Variants in FHIT observed in about 807,000 individuals in gnomAD.
The protein encoded by FHIT is fragile histidine triad diadenosine triphosphatase.
A neutral mutation model predicts 17.9 loss-of-function variants in FHIT; 19 were observed. The ratio of observed to expected loss-of-function variants is 1.06; its 90% CI spans 0.74 to 1.56. The LOEUF is 1.56. Ranked by LOEUF, FHIT falls within the 40% of genes most tolerant of loss-of-function variation. The probability of loss-of-function intolerance (pLI) is 0.00; values close to 1 mark genes in which losing one functional copy is unlikely to be tolerated. For missense variants in FHIT, 248 were observed against 189.2 expected (o/e 1.31, Z -1.82); for synonymous variants, 81 against 69.7 (o/e 1.16, Z -0.81).
At chr3:59,981,429 T>C (rs1184639086) in intron 7 of FHIT, among the ~76,000 whole-genome samples, 2 of 152,160 alleles carry the variant, frequency 1.3e-5, no homozygotes, top group Non-Finnish European at 2.9e-5. Context: ...ACAAATTCAA[T>C]ATCCAAATTC....
chr3:60,396,825 A>T (rs1701460131), intron 5 of FHIT, among the ~76,000 whole-genome samples: 2 of 152,186 alleles, frequency 1.3e-5, no homozygotes, highest in East Asian at 3.9e-4. Context: ...TTTCAAAATG[A>T]AAAAATAGAA....
At chr3:61,196,095 A>T (rs2038845791) in intron 2 of FHIT, among the ~76,000 whole-genome samples, 1 of 152,156 alleles carries the variant, frequency 6.6e-6, no homozygotes, top group Admixed American at 6.5e-5. Flanking sequence ...AAGAGTGGAA[A>T]GGATCAGAGA....
At chr3:59,898,466 G>T (rs1325656021) in intron 8 of FHIT, among the ~76,000 whole-genome samples, 1 of 139,614 alleles carries the variant, frequency 7.2e-6, no homozygotes, top group Non-Finnish European at 1.6e-5. Context: ...GTGTGTGTGT[G>T]TGTGTGTGTA....
chr3:60,715,222 G>A (rs1442103680), intron 4 of FHIT, among the ~76,000 whole-genome samples: 1 of 152,038 alleles, frequency 6.6e-6, no homozygotes, highest in African/African-American at 2.4e-5. Flanking sequence ...TGGGAAAACT[G>A]GCTAGCCATA....
intron 5 of FHIT, among the ~76,000 whole-genome samples, chr3:60,400,702 G>A (rs922280662): frequency 6.6e-6 from 1 of 152,026 alleles, no homozygotes; most frequent in Non-Finnish European, 1.5e-5. Flanking sequence ...GTCTCCCCAT[G>A]GTAAGCAGGA....
At chr3:59,772,085 C>A (rs1702098654) in intron 8 of FHIT, among the ~76,000 whole-genome samples, 1 of 152,242 alleles carries the variant, frequency 6.6e-6, no homozygotes, top group Admixed American at 6.5e-5. Flanking sequence ...TCCACAGTCA[C>A]TGGCTTGTAT....
At chr3:61,027,569 G>C (rs890661881) in intron 3 of FHIT, among the ~76,000 whole-genome samples, 1 of 152,150 alleles carries the variant, frequency 6.6e-6, no homozygotes, top group African/African-American at 2.4e-5. Flanking sequence ...ATATCATTTC[G>C]TTGACTTGAG....
chr3:60,356,185 C>T (rs1699644863), intron 5 of FHIT, among the ~76,000 whole-genome samples: 1 of 152,188 alleles, frequency 6.6e-6, no homozygotes, highest in Non-Finnish European at 1.5e-5. Context: ...TTTACCAAGT[C>T]TTGGGATTTG....
chr3:60,524,153 GA>G (rs2035481997), intron 5 of FHIT, among the ~76,000 whole-genome samples: 4 of 151,318 alleles, frequency 2.6e-5, no homozygotes, highest in Admixed American at 2.6e-4. Context: ...ATAAACCTGA[GA>G]ATCATCCCTG....
chr3:60,870,925 T>A (rs1390857565), intron 3 of FHIT, among the ~76,000 whole-genome samples: 1 of 152,180 alleles, frequency 6.6e-6, no homozygotes, highest in Non-Finnish European at 1.5e-5. Flanking sequence ...ATTCTCCTGG[T>A]GATGCCCCAG....
At chr3:60,344,325 C>T (rs528558059) in intron 5 of FHIT, among the ~76,000 whole-genome samples, 52 of 152,222 alleles carry the variant, frequency 3.4e-4, no homozygotes, top group Non-Finnish European at 6.2e-4. Context: ...GACTGAGATG[C>T]GTCCAACAAA....
chr3:60,704,638 T>C (rs1205659978), intron 4 of FHIT, among the ~76,000 whole-genome samples: 2 of 152,172 alleles, frequency 1.3e-5, no homozygotes, highest in Admixed American at 1.3e-4. Context: ...ATGAACCTTT[T>C]TTTGCAATTA....
intron 5 of FHIT, among the ~76,000 whole-genome samples, chr3:60,206,365 G>C (rs1703190500): frequency 1.3e-5 from 2 of 152,094 alleles, no homozygotes; most frequent in Admixed American, 6.5e-5. Flanking sequence ...CTGAGCTTCA[G>C]ATGTAAAGGA....
intron 3 of FHIT, among the ~76,000 whole-genome samples, chr3:60,926,224 A>G (rs1707600916): frequency 6.6e-6 from 1 of 152,090 alleles, no homozygotes; most frequent in Non-Finnish European, 1.5e-5. Context: ...CATCTACAGA[A>G]CTCTCCACCC....
chr3:60,150,145 CG>C (rs1483925103), intron 5 of FHIT, among the ~76,000 whole-genome samples: 3 of 140,816 alleles, frequency 2.1e-5, no homozygotes, highest in Admixed American at 7.1e-5. Flanking sequence ...TACAGGCATG[CG>C]CCCCCCACGC....
rs578185477 is a variant in FHIT, at chr3:61,014,900, A to G, written c.-111+27147T>C. ...TATGTGTATATCTATACATACATCCATATACATATATATATGTGTACACAC... is the reference window on the plus strand; with the variant it reads ...TATGTGTATATCTATACATACATCCGTATACATATATATATGTGTACACAC... On this transcript the variant is annotated intron_variant, in intron 3 of 9. Transcript: ENST00000492590. Among the ~76,000 whole-genome samples, 411 of 149,166 alleles carry G rather than the reference A, an allele frequency of 2.8e-3. 3 individuals carry two copies. The highest frequency in any genetic ancestry group is 4.9e-3 in the Non-Finnish European group (334 of 67,488).
At chr3:61,250,530 C>T (rs1005023208) in intron 1 of FHIT, among the ~76,000 whole-genome samples, 1 of 152,172 alleles carries the variant, frequency 6.6e-6, no homozygotes, top group African/African-American at 2.4e-5. Flanking sequence ...GCATTGAGCT[C>T]CTTGTTTCCC....
intron 2 of FHIT, among the ~76,000 whole-genome samples, chr3:61,193,872 A>G (rs989379974): frequency 2.6e-5 from 4 of 152,350 alleles, no homozygotes; most frequent in African/African-American, 9.6e-5. Context: ...AGAAAAGCAT[A>G]ACAAATGTAT....
At chr3:60,494,153 C>T (rs531810326) in intron 5 of FHIT, among the ~76,000 whole-genome samples, 2 of 152,234 alleles carry the variant, frequency 1.3e-5, no homozygotes, top group African/African-American at 4.8e-5. Context: ...TATCTGTTTC[C>T]AGAATGTTTT....
Sources: gnomAD v4.1 joint callset for allele counts (sites outside exome capture counted in the v4.1 genomes callset) on GRCh38, gnomAD v4.1.1 for gene constraint, MANE v1.5 for transcripts, NCBI Gene and HGNC (gene_info 2026-07-23, HGNC 2026-07-21) for gene names.